Variants in ST6GALNAC3 observed in about 807,000 individuals in gnomAD.
ST6GALNAC3 encodes the protein ST6 N-acetylgalactosaminide alpha-2,6-sialyltransferase 3.
Under a neutral mutation model 32.7 loss-of-function variants are expected in ST6GALNAC3, and 25 were observed. The observed-to-expected ratio is 0.76, with a 90% CI of 0.56 to 1.07. The LOEUF (loss-of-function observed/expected upper bound fraction) is 1.07. ST6GALNAC3 is among the 50% of genes least tolerant of loss of function. The probability of loss-of-function intolerance (pLI) is 0.00; values close to 1 mark genes in which losing one functional copy is unlikely to be tolerated. For synonymous variants in ST6GALNAC3, 129 were observed against 133.1 expected (o/e 0.97, Z 0.21); for missense variants, 355 against 382.4 (o/e 0.93, Z 0.60).
At chr1:76,192,853 A>G (rs1278891243) in intron 1 of ST6GALNAC3, among the ~76,000 whole-genome samples, 2 of 152,076 alleles carry the variant, frequency 1.3e-5, no homozygotes, top group Non-Finnish European at 2.9e-5. Flanking sequence ...TTATGAATTA[A>G]ATTCTTTCCG....
intron 2 of ST6GALNAC3, among the ~76,000 whole-genome samples, chr1:76,352,525 C>T (rs555475613): frequency 5.0e-4 from 72 of 144,092 alleles, no homozygotes; most frequent in African/African-American, 1.7e-3. Context: ...TTTTTACCTC[C>T]GGCCAATCTC....
At chr1:76,373,336 C>T (rs1650980960) in intron 2 of ST6GALNAC3, among the ~76,000 whole-genome samples, 12 of 152,180 alleles carry the variant, frequency 7.9e-5, no homozygotes. Flanking sequence ...CAAAAACTTT[C>T]AAGGTCCTTG....
At chr1:76,234,562 T>A (rs1043466390) in intron 1 of ST6GALNAC3, among the ~76,000 whole-genome samples, 2 of 152,216 alleles carry the variant, frequency 1.3e-5, no homozygotes, top group Non-Finnish European at 2.9e-5. Flanking sequence ...TATATCTTCA[T>A]GTGAATGTCT....
chr1:76,431,834 A>G (rs1655777668), intron 3 of ST6GALNAC3, among the ~76,000 whole-genome samples: 1 of 152,108 alleles, frequency 6.6e-6, no homozygotes, highest in Admixed American at 6.6e-5. Context: ...GTGACACATC[A>G]TTATCCCCCA....
At chr1:76,393,229 C>G (rs1293521361) in intron 2 of ST6GALNAC3, among the ~76,000 whole-genome samples, 1 of 152,164 alleles carries the variant, frequency 6.6e-6, no homozygotes, top group Non-Finnish European at 1.5e-5. Flanking sequence ...TTGGAACTGT[C>G]TTACTGTCAC....
chr1:76,587,203 A>G (rs1303482908), intron 3 of ST6GALNAC3, among the ~76,000 whole-genome samples: 1 of 152,154 alleles, frequency 6.6e-6, no homozygotes, highest in Non-Finnish European at 1.5e-5. Context: ...ATGAGAGGAG[A>G]CAAGGAAAGA....
At chr1:76,114,591 A>C (rs1476957641) in intron 1 of ST6GALNAC3, among the ~76,000 whole-genome samples, 4 of 152,232 alleles carry the variant, frequency 2.6e-5, no homozygotes, top group Admixed American at 2.0e-4. Flanking sequence ...CAACTGAAGA[A>C]AAGACCTACA....
At chr1:76,165,779 T>G (rs1248601412) in intron 1 of ST6GALNAC3, among the ~76,000 whole-genome samples, 1 of 152,100 alleles carries the variant, frequency 6.6e-6, no homozygotes, top group Non-Finnish European at 1.5e-5. Context: ...TGATGCTGAG[T>G]TTTTTTTCAT....
intron 1 of ST6GALNAC3, among the ~76,000 whole-genome samples, chr1:76,139,057 G>A (rs1650134026): frequency 6.6e-6 from 1 of 152,120 alleles, no homozygotes; most frequent in Non-Finnish European, 1.5e-5. Context: ...AGCTGGGCGT[G>A]GTGGCAGACG....
rs148023506 is a variant in ST6GALNAC3 at position 76,218,095 on chromosome 1, G to A, written c.19-95710G>A. ...TAGTTCTTTAAGGAATCTCCACACT[G>A]TTTTCCATAGTTGTTGTACTAGTTT... On this transcript the variant is annotated intron_variant, in intron 1 of 4. Coordinates refer to ENST00000328299, the MANE Select transcript of ST6GALNAC3 (RefSeq NM_152996.4). Among the ~76,000 whole-genome samples the A allele has an allele frequency of 4.6e-5, 7 of 152,200 alleles. No individual in the cohort carries two copies. In the East Asian group the frequency reaches 7.7e-4, roughly 17 times the overall value.
intron 2 of ST6GALNAC3, among the ~76,000 whole-genome samples, chr1:76,402,016 G>A (rs912564814): frequency 1.4e-5 from 2 of 144,740 alleles, no homozygotes; most frequent in Admixed American, 7.4e-5. Flanking sequence ...TTAAGTCTTC[G>A]ATGGTTTAGA....
chr1:76,600,489 T>C (rs1647206393), intron 3 of ST6GALNAC3, among the ~76,000 whole-genome samples: 1 of 152,110 alleles, frequency 6.6e-6, no homozygotes, highest in South Asian at 2.1e-4. Context: ...TGCTGGGGAC[T>C]AGGGACACAA....
chr1:76,503,708 A>G (rs773409957), intron 3 of ST6GALNAC3, among the ~76,000 whole-genome samples: 1 of 152,212 alleles, frequency 6.6e-6, no homozygotes, highest in African/African-American at 2.4e-5. Context: ...TGTTCATTGC[A>G]GTAGCAATAG....
rs570741018 is a variant in ST6GALNAC3 at position 76,310,709 on chromosome 1, A to G, written c.19-3096A>G. ...GTGGTAAGCTGAAAATGCAACAACA[A>G]TAAACATTTTGGTCTTTCACAGAAA... On this transcript the variant is annotated intron_variant, in intron 1 of 4. Coordinates refer to ENST00000328299, the MANE Select transcript of ST6GALNAC3 (RefSeq NM_152996.4). 9.8e-5 allele frequency among the ~76,000 whole-genome samples: 15 copies of G among 152,300 alleles called. 1 individual carries two copies. The South Asian group carries it at 2.9e-3, about 29-fold the overall frequency.
At chr1:76,488,762 A>T (rs753691178) in intron 3 of ST6GALNAC3, among the ~76,000 whole-genome samples, 45 of 152,100 alleles carry the variant, frequency 3.0e-4, no homozygotes, top group Non-Finnish European at 4.4e-4. Context: ...GCTCTGCACA[A>T]ATTTGTGAAG....
chr1:76,261,807 G>A (rs528775182), intron 1 of ST6GALNAC3, among the ~76,000 whole-genome samples: 71 of 152,248 alleles, frequency 4.7e-4, no homozygotes, highest in African/African-American at 1.4e-3. Context: ...TAGGGACTCC[G>A]TAAACATTTG....
intron 3 of ST6GALNAC3, among the ~76,000 whole-genome samples, chr1:76,569,506 C>T (rs111586982): frequency 2.0e-5 from 3 of 152,216 alleles, no homozygotes; most frequent in South Asian, 2.1e-4. Context: ...CAAAGTGACA[C>T]GTTCAAAATA....
intron 1 of ST6GALNAC3, among the ~76,000 whole-genome samples, chr1:76,280,882 T>C (rs1274010971): frequency 3.9e-5 from 6 of 152,202 alleles, no homozygotes; most frequent in Non-Finnish European, 8.8e-5. Context: ...TCTCCTAAAA[T>C]AGAGTAGATG....
At chr1:76,392,185 T>TA (rs1343095368) in intron 2 of ST6GALNAC3, among the ~76,000 whole-genome samples, 16 of 152,188 alleles carry the variant, frequency 1.1e-4, no homozygotes, top group Non-Finnish European at 2.9e-5. Flanking sequence ...GGGACAAAAT[T>TA]GCTCCCTGGT....
Sources: gnomAD v4.1 joint callset for allele counts (sites outside exome capture counted in the v4.1 genomes callset) on GRCh38, gnomAD v4.1.1 for gene constraint, MANE v1.5 for transcripts, NCBI Gene and HGNC (gene_info 2026-07-23, HGNC 2026-07-21) for gene names.